POLR1H: variants seen among roughly 807,000 people sequenced by gnomAD.
The protein encoded by POLR1H is DNA-directed RNA polymerase I subunit RPA12.
A neutral mutation model predicts 15.8 loss-of-function variants in POLR1H; 5 were observed. That is an observed-to-expected ratio of 0.32 (90% CI 0.17 to 0.67). The LOEUF is 0.67. Ranked by LOEUF, POLR1H falls within the 30% of genes least tolerant of loss-of-function variation. The pLI, the probability that POLR1H is intolerant of heterozygous loss-of-function variation, is 0.74. For synonymous variants in POLR1H, 43 were observed against 58.3 expected (o/e 0.74, Z 1.20); for missense variants, 100 against 163.4 (o/e 0.61, Z 2.11).
Position 30,063,127 on chromosome 6 carries a change from G to C in POLR1H, c.356+794G>C, listed in dbSNP as rs1311801289. The stretch of plus-strand genomic sequence containing the variant: ...TCTTTTATTCTGTTTGGGATTTGTT[G>C]GACTTTCTGAAACTGAGAGTGGACT... On this transcript the variant is annotated intron_variant, in intron 3 of 3. Coordinates refer to ENST00000332435, the MANE Select transcript of POLR1H (RefSeq NM_170783.4). The surrounding 1 kb of genome is among the most constrained non-coding windows in gnomAD (Gnocchi z 4.1). 1.3e-5 allele frequency among the ~76,000 whole-genome samples: 2 copies of C among 151,750 alleles called. No homozygotes were observed. The highest frequency in any genetic ancestry group is 2.9e-5 in the Non-Finnish European group (2 of 67,928).
Position 30,063,946 on chromosome 6 carries a change from A to G in POLR1H, c.357-727A>G, listed in dbSNP as rs1353145801. ...TGAGACAGTCAAATTCCCCTTCTAT[A>G]GAGTTGAATTTTTTCTTTTCTTGTT... On this transcript the variant is annotated intron_variant, in intron 3 of 3. Transcript: ENST00000332435. The surrounding 1 kb of genome is among the most constrained non-coding windows in gnomAD (Gnocchi z 4.1). Among the ~76,000 whole-genome samples the G allele has an allele frequency of 6.6e-6, 1 of 152,178 alleles. No homozygotes were observed. The highest frequency in any genetic ancestry group is 2.4e-5 in the African/African-American group (1 of 41,442).
chr6:30,061,136 G>A (rs7770505), upstream of POLR1H: 9,333 of 179,922 alleles, frequency 0.052, 318 homozygotes, highest in Admixed American at 0.066. The surrounding 1 kb of genome is among the most constrained non-coding windows in gnomAD (Gnocchi z 5.0). Flanking sequence ...ATCTCCCTTG[G>A]AAGACGTTAG....
rs1241727479 is a variant in POLR1H at position 30,061,346 on chromosome 6, C to T, written c.-179C>T. On this transcript the variant is annotated 5_prime_UTR_variant, in exon 1 of 4. It adds an upstream start codon to the 5' untranslated region. Transcript: ENST00000332435. The surrounding 1 kb of genome is among the most constrained non-coding windows in gnomAD (Gnocchi z 5.0). Reference sequence around the variant, plus strand: ...GGGTTCCAAGTCCTTTAGTACCCGACGCTGTCTGGGAATTCCGGGCGTTTC... The same window carrying T: ...GGGTTCCAAGTCCTTTAGTACCCGATGCTGTCTGGGAATTCCGGGCGTTTC... 2 of 651,726 alleles carry T rather than the reference C, an allele frequency of 3.1e-6. No homozygotes were observed. The highest frequency in any genetic ancestry group is 2.7e-5 in the East Asian group (1 of 36,836). 40.4% of individuals were successfully genotyped at this position (651,726 alleles called of 1,614,324 possible).
upstream of POLR1H, chr6:30,060,331 C>T (rs377536124): frequency 2.0e-5 from 3 of 152,322 alleles, no homozygotes; most frequent in African/African-American, 7.2e-5. Context: ...GCTGCCCCTT[C>T]AGGGAAAGTT....
chr6:30,062,195 G>T, intron 2 of POLR1H, 29 bp from the exon 3 acceptor site: 1 of 1,569,298 alleles, frequency 6.4e-7, no homozygotes, highest in Non-Finnish European at 8.8e-7. Context: ...ATATGACCAG[G>T]CCTCCCTAAC....
In POLR1H at chr6:30,062,714, C is replaced by CCTTTTTTTTTT. The variant is rs749507630; in HGVS notation, c.356+381_356+382insCTTTTTTTTTT. Among the ~76,000 whole-genome samples the CCTTTTTTTTTT allele has an allele frequency of 4.9e-3, 206 of 42,394 alleles. 19 individuals are homozygous for CCTTTTTTTTTT. Among genetic ancestry groups the CCTTTTTTTTTT allele is most frequent in the Middle Eastern group, 0.031 (2 of 64 alleles). 27.8% of individuals were successfully genotyped at this position (42,394 alleles called of 152,430 possible). On this transcript the variant is annotated intron_variant, in intron 3 of 3. Coordinates refer to ENST00000332435, the MANE Select transcript of POLR1H (RefSeq NM_170783.4). ...CACAGACACATGCCACCACGCCTGG[C>CCTTTTTTTTTT]TTTTTTTTTTTTTTTTTTTTTTTTT...
rs960106731 is a variant in POLR1H at position 30,063,458 on chromosome 6, CTTAA to C, written c.356+1128_356+1131del. On this transcript the variant is annotated intron_variant, in intron 3 of 3. Transcript: ENST00000332435. This position sits in a 1 kb window ranked among gnomAD's most constrained non-coding sequence, Gnocchi z 4.1. ...TCTATTTAATTACTTTTCAAATCTC[CTTAA>C]TTTTTAAATAATTATCAGTTCTTTA... Among the ~76,000 whole-genome samples, 13 of 151,464 alleles carry C rather than the reference CTTAA, an allele frequency of 8.6e-5. No homozygotes were observed. Among genetic ancestry groups the C allele is most frequent in the African/African-American group, 2.4e-4 (10 of 41,344 alleles).
intron 3 of POLR1H, 32 bp from the exon 4 acceptor site, chr6:30,064,641 G>T: frequency 6.3e-7 from 1 of 1,595,234 alleles, no homozygotes; most frequent in Non-Finnish European, 8.5e-7. Context: ...TCATCTTTTG[G>T]TGAATATAAC....
rs17187665 is a variant in POLR1H, at chr6:30,061,864, G to C, written c.146-53G>C. ...CAGCCAGGGGAAAGGGGAGGTTTCC[G>C]GTGTCAGCTCTCTCTGGTTGTCTCC... On this transcript the variant is annotated intron_variant, in intron 1 of 3. Coordinates refer to ENST00000332435, the MANE Select transcript of POLR1H (RefSeq NM_170783.4). This position sits in a 1 kb window ranked among gnomAD's most constrained non-coding sequence, Gnocchi z 5.0. The C allele has an allele frequency of 6.3e-7, 1 of 1,591,216 alleles. No homozygotes were observed. The highest frequency in any genetic ancestry group is 8.6e-7 in the Non-Finnish European group (1 of 1,161,352).
In POLR1H at chr6:30,061,339, T is replaced by C. The variant is rs1765034213; in HGVS notation, c.-186T>C. 4.8e-6 allele frequency: 3 copies of C among 627,960 alleles called. No homozygotes were observed. The highest frequency in any genetic ancestry group is 4.6e-5 in the South Asian group (2 of 43,208). The allele number at this position is 627,960 out of a possible 1,614,324, so 38.9% of individuals were successfully genotyped here. On this transcript the variant is annotated 5_prime_UTR_variant, in exon 1 of 4. Transcript: ENST00000332435. This position sits in a 1 kb window ranked among gnomAD's most constrained non-coding sequence, Gnocchi z 5.0. Reference sequence around the variant, plus strand: ...CTGGAAAGGGTTCCAAGTCCTTTAGTACCCGACGCTGTCTGGGAATTCCGG... The same window carrying C: ...CTGGAAAGGGTTCCAAGTCCTTTAGCACCCGACGCTGTCTGGGAATTCCGG...
At chr6:30,060,280 G>A (rs1021143316), upstream of POLR1H, 2 of 152,244 alleles carry the variant, frequency 1.3e-5, no homozygotes, top group African/African-American at 4.8e-5. Flanking sequence ...CAGAGTGGAT[G>A]GTGGTGGGAG....
At chr6:30,062,543 ATTTTTTTTTTT>A (rs9278553) in intron 3 of POLR1H, among the ~76,000 whole-genome samples, 41 of 65,000 alleles carry the variant, frequency 6.3e-4, no homozygotes, top group Admixed American at 1.5e-3. Context: ...ACCTTTTAGG[ATTTTTTTTTTT>A]TTTTTTTTTT....
chr6:30,064,620 C>T, intron 3 of POLR1H, 53 bp from the exon 4 acceptor site: 1 of 1,532,652 alleles, frequency 6.5e-7, no homozygotes, highest in Non-Finnish European at 8.9e-7. Context: ...TTATCTTATA[C>T]TACTAGAAAC....
Position 30,064,741 on chromosome 6 carries a change from G to A in POLR1H, c.*44G>A. On this transcript the variant is annotated 3_prime_UTR_variant, in exon 4 of 4. Coordinates refer to ENST00000332435, the MANE Select transcript of POLR1H (RefSeq NM_170783.4). ...CTACAGTCCCTCCCTCCTTTCGGAAGGTGAAGGATACTGGGTTTTTAGATG... is the reference window on the plus strand; with the variant it reads ...CTACAGTCCCTCCCTCCTTTCGGAAAGTGAAGGATACTGGGTTTTTAGATG... 6.3e-7 allele frequency: 1 copy of A among 1,588,424 alleles called. No homozygotes were observed. Among genetic ancestry groups the A allele is most frequent in the Non-Finnish European group, 8.6e-7 (1 of 1,164,578 alleles).
At position 30,061,488 on chromosome 6, in the gene POLR1H, TTAA is replaced by T; in HGVS notation, c.-33_-31del. On this transcript the variant is annotated 5_prime_UTR_variant, in exon 1 of 4. Transcript: ENST00000332435. This position sits in a 1 kb window ranked among gnomAD's most constrained non-coding sequence, Gnocchi z 5.0. ...GGGACAGGAACTCTTCTCTCTTTTGTTAATAAACTTCCAACTCCCTCCTCAGAC... is the reference window on the plus strand; with the variant it reads ...GGGACAGGAACTCTTCTCTCTTTTGTTAAACTTCCAACTCCCTCCTCAGAC... 6.2e-7 allele frequency: 1 copy of T among 1,609,086 alleles called. No individual in the cohort carries two copies. Among genetic ancestry groups the T allele is most frequent in the Non-Finnish European group, 8.5e-7 (1 of 1,177,222 alleles).
chr6:30,062,038 A>G, intron 2 of POLR1H, 21 bp downstream of exon 2: 1 of 1,605,366 alleles, frequency 6.2e-7, no homozygotes, highest in Non-Finnish European at 8.5e-7. Context: ...GAGATCAAGA[A>G]CTGGCTCCAT....
rs9278555 is a variant in POLR1H, at chr6:30,062,714, CTTTTTTTTTTTTT to C, written c.356+398_356+410del. ...CACAGACACATGCCACCACGCCTGG[CTTTTTTTTTTTTT>C]TTTTTTTTTTTTTTTTGTATTTTTA... is the stretch of plus-strand genomic sequence containing the variant. On this transcript the variant is annotated intron_variant, in intron 3 of 3. Transcript: ENST00000332435. 7.5e-3 allele frequency among the ~76,000 whole-genome samples: 319 copies of C among 42,408 alleles called. 6 individuals are homozygous for C. The Middle Eastern group carries it at 0.078, about 10-fold the overall frequency. The allele number at this position is 42,408 out of a possible 152,430, so 27.8% of individuals were successfully genotyped here.
chr6:30,061,346 C>G lies in POLR1H; in HGVS notation c.-179C>G. 3.1e-6 allele frequency: 2 copies of G among 651,846 alleles called. No individual in the cohort carries two copies. Among genetic ancestry groups the G allele is most frequent in the South Asian group, 2.3e-5 (1 of 44,442 alleles). 40.4% of individuals were successfully genotyped at this position (651,846 alleles called of 1,614,324 possible). ...GGGTTCCAAGTCCTTTAGTACCCGA[C>G]GCTGTCTGGGAATTCCGGGCGTTTC... On this transcript the variant is annotated 5_prime_UTR_variant, in exon 1 of 4. Transcript: ENST00000332435. The surrounding 1 kb of genome is among the most constrained non-coding windows in gnomAD (Gnocchi z 5.0).
Position 30,061,546 on chromosome 6 carries a change from A to G in POLR1H, c.22A>G (p.Asn8Asp). 1 of 1,613,098 alleles carries G rather than the reference A, an allele frequency of 6.2e-7. No homozygotes were observed. Among genetic ancestry groups the G allele is most frequent in the Non-Finnish European group, 8.5e-7 (1 of 1,180,040 alleles). Reference protein sequence around the residue: MSVMDLANTCSSFQSDLD... With the variant: MSVMDLADTCSSFQSDLD... Reference sequence around the variant, plus strand: ...CCGCATGTCTGTCATGGACCTCGCCAATACTTGCTCCAGCTTTCAGTCGGA... The same window carrying G: ...CCGCATGTCTGTCATGGACCTCGCCGATACTTGCTCCAGCTTTCAGTCGGA... Residue 8 changes from asparagine (N) to aspartate (D), a missense_variant, in exon 1 of 4, where the codon AAT (asparagine) becomes GAT (aspartate). Physicochemically the swap from Asn to Asp is conservative, Grantham distance 23 (BLOSUM62 1). Around this residue, in one of 2 missense-constraint regions of POLR1H, gnomAD observed 87 missense variants for 119.8 expected, o/e 0.73. Coordinates refer to ENST00000332435, the MANE Select transcript of POLR1H (RefSeq NM_170783.4). The surrounding 1 kb of genome is among the most constrained non-coding windows in gnomAD (Gnocchi z 5.0).
Sources: gnomAD v4.1 joint callset for allele counts (sites outside exome capture counted in the v4.1 genomes callset) on GRCh38, gnomAD v4.1.1 for gene constraint, gnomAD v4.1.1 regional missense constraint, Gnocchi (gnomAD v3.1) non-coding constraint, MANE v1.5 for transcripts, NCBI Gene and HGNC (gene_info 2026-07-23, HGNC 2026-07-21) for gene names.